AGO3: variants seen among roughly 807,000 people sequenced by gnomAD.
AGO3 encodes the protein protein argonaute-3.
In AGO3, 16 loss-of-function variants were observed where a neutral mutation model predicts 105.5. The observed-to-expected ratio is 0.15, with a 90% CI of 0.10 to 0.23. The LOEUF is 0.23. Among genes scored for constraint, AGO3 ranks in the 10% least tolerant of loss-of-function variants. The pLI, the probability that AGO3 is intolerant of heterozygous loss-of-function variation, is 1.00. For synonymous variants in AGO3, 340 were observed against 367.3 expected (o/e 0.93, Z 0.85); for missense variants, 534 against 1,088.0 (o/e 0.49, Z 7.16).
intron 9 of AGO3, 54 bp from the exon 10 acceptor site, chr1:36,013,576 A>C (rs1034662409): frequency 4.7e-5 from 75 of 1,606,732 alleles, no homozygotes; most frequent in Non-Finnish European, 6.2e-5. Flanking sequence ...AATGCATTAA[A>C]GTAGGGGATT....
chr1:36,026,244 G>T (rs1423715144), intron 11 of AGO3, among the ~76,000 whole-genome samples: 1 of 151,948 alleles, frequency 6.6e-6, no homozygotes, highest in African/African-American at 2.4e-5. Flanking sequence ...AAGGAGCAGG[G>T]ACTACAGGTG....
intron 5 of AGO3, among the ~76,000 whole-genome samples, chr1:35,973,956 A>G (rs890321945): frequency 3.6e-4 from 55 of 152,196 alleles, no homozygotes; most frequent in Non-Finnish European, 1.8e-4. Context: ...AAGCTTATGT[A>G]AAAACAGAGA....
intron 11 of AGO3, among the ~76,000 whole-genome samples, chr1:36,021,038 T>C (rs1641193055): frequency 6.6e-6 from 1 of 152,090 alleles, no homozygotes; most frequent in Admixed American, 6.6e-5. Context: ...GGTCAAGCAG[T>C]TCTCCTGCCT....
intron 17 of AGO3, among the ~76,000 whole-genome samples, chr1:36,054,479 T>A (rs1642848996): frequency 6.6e-6 from 1 of 152,084 alleles, no homozygotes; most frequent in Non-Finnish European, 1.5e-5. Flanking sequence ...CCTCACTGTG[T>A]TGTGCAGGCT....
At chr1:35,971,944 GAT>G (rs1646878116) in intron 3 of AGO3, 78 bp from the exon 4 acceptor site, 1 of 1,326,116 alleles carries the variant, frequency 7.5e-7, no homozygotes, top group African/African-American at 1.5e-5. Flanking sequence ...TTTTCTCTTA[GAT>G]ATTTTTATAA....
At position 36,068,175 on chromosome 1, in the gene AGO3, TAGAA is replaced by T. The variant is rs1643118839; in HGVS notation, c.*12431_*12434del. The T allele has an allele frequency of 6.6e-6, 1 of 152,088 alleles. No individual in the cohort carries two copies. Among genetic ancestry groups the T allele is most frequent in the Non-Finnish European group, 1.5e-5 (1 of 67,990 alleles). The allele number at this position is 152,088 out of a possible 1,614,324, so 9.4% of individuals were successfully genotyped here. A position where few individuals can be genotyped will look rare whatever the true frequency, so the allele number is the denominator to read the frequency against. On this transcript the variant is annotated 3_prime_UTR_variant, in exon 19 of 19. Transcript: ENST00000373191. ...AGGGGAAGGATAAAACAAAAATAGA[TAGAA>T]TGATGATTATTACAATGTAACTTTA...
chr1:35,976,209 A>G (rs1456984586), intron 5 of AGO3, among the ~76,000 whole-genome samples: 1 of 152,194 alleles, frequency 6.6e-6, no homozygotes, highest in Non-Finnish European at 1.5e-5. Context: ...TGCTGGGATT[A>G]CAGGCGTGAG....
At chr1:36,033,174 T>C (rs965627806) in intron 12 of AGO3, among the ~76,000 whole-genome samples, 2 of 150,168 alleles carry the variant, frequency 1.3e-5, no homozygotes, top group African/African-American at 4.9e-5. Context: ...AAAAAGTAAA[T>C]AAAAATACAG....
chr1:35,931,868 C>T (rs1374738909), intron 1 of AGO3, among the ~76,000 whole-genome samples: 1 of 152,228 alleles, frequency 6.6e-6, no homozygotes, highest in Non-Finnish European at 1.5e-5. Context: ...TAACGGATAA[C>T]TTCAGATTAA....
intron 5 of AGO3, among the ~76,000 whole-genome samples, chr1:35,993,787 G>A (rs1377056970): frequency 5.3e-5 from 6 of 113,902 alleles, no homozygotes; most frequent in Non-Finnish European, 8.1e-5. Context: ...TTGCTCTGTC[G>A]CCCAGGCTGG....
intron 1 of AGO3, among the ~76,000 whole-genome samples, chr1:35,936,622 T>C (rs1646152272): frequency 6.6e-6 from 1 of 152,164 alleles, no homozygotes; most frequent in Non-Finnish European, 1.5e-5. Context: ...GCACCTGCCC[T>C]AGAATTCCTT....
chr1:36,040,212 A>G (rs1642189115), intron 15 of AGO3, 95 bp from the exon 16 acceptor site: 1 of 1,395,582 alleles, frequency 7.2e-7, no homozygotes, highest in Non-Finnish European at 9.7e-7. Context: ...GAGTGGTGAA[A>G]TTAAGGAATC....
chr1:36,040,348 C>T lies in AGO3; in HGVS notation c.2079C>T (p.Ile693=). Residue 693 remains isoleucine, a synonymous_variant, in exon 16 of 19, where the codon ATC becomes ATT. Transcript: ENST00000373191. The part of the protein sequence containing the change: ...YELLAIREAC[I]SLEKDYQPGI... ...TACTAGCAATTCGAGAAGCCTGCATCAGTTTGGAGAAAGACTATCAACCTG... is the reference window on the plus strand; with the variant it reads ...TACTAGCAATTCGAGAAGCCTGCATTAGTTTGGAGAAAGACTATCAACCTG... 1 of 1,613,784 alleles carries T rather than the reference C, an allele frequency of 6.2e-7. No individual in the cohort carries two copies.
At position 36,059,479 on chromosome 1, in the gene AGO3, A is replaced by T. The variant is rs1642999183; in HGVS notation, c.*3734A>T. On this transcript the variant is annotated 3_prime_UTR_variant, in exon 19 of 19. Coordinates refer to ENST00000373191, the MANE Select transcript of AGO3 (RefSeq NM_024852.4). ...CCTGCCCTTGCTCACTAACTATATC[A>T]TGAATGCTAGATTTTGGTCTTCTTT... is the stretch of plus-strand genomic sequence containing the variant. 2 of 151,058 alleles carry T rather than the reference A, an allele frequency of 1.3e-5. No homozygotes were observed. The highest frequency in any genetic ancestry group is 1.3e-4 in the Admixed American group (2 of 15,022). The allele number at this position is 151,058 out of a possible 1,614,324, so 9.4% of individuals were successfully genotyped here.
intron 17 of AGO3, among the ~76,000 whole-genome samples, chr1:36,045,459 C>CA (rs759257273): frequency 6.6e-6 from 1 of 151,894 alleles, no homozygotes; most frequent in East Asian, 1.9e-4. Context: ...TGACCTCAGG[C>CA]AATCCGCCCA....
At chr1:35,987,974 A>AG (rs1647277300) in intron 5 of AGO3, among the ~76,000 whole-genome samples, 1 of 152,042 alleles carries the variant, frequency 6.6e-6, no homozygotes. Flanking sequence ...AGGCTAAGGC[A>AG]GGAGAATCGC....
At position 35,931,158 on chromosome 1, in the gene AGO3, C is replaced by A; in HGVS notation, c.-269C>A. ...GAGGAGCGGTGGGAGCGTCGGCGGC[C>A]GCGGGCGATGCAACTTCCGGACGGG... is the stretch of plus-strand genomic sequence containing the variant. On this transcript the variant is annotated 5_prime_UTR_variant, in exon 1 of 19. Coordinates refer to ENST00000373191, the MANE Select transcript of AGO3 (RefSeq NM_024852.4). 5.0e-6 allele frequency: 2 copies of A among 397,924 alleles called. No homozygotes were observed. The highest frequency in any genetic ancestry group is 4.4e-6 in the Non-Finnish European group (1 of 225,636). The allele number at this position is 397,924 out of a possible 1,614,324, so 24.6% of individuals were successfully genotyped here.
chr1:36,018,339 T>C (rs978150988), intron 11 of AGO3, among the ~76,000 whole-genome samples: 3 of 62,230 alleles, frequency 4.8e-5, no homozygotes, highest in Admixed American at 1.2e-4. Context: ...TCTGACTGAT[T>C]ATGAAGCAAA....
At position 36,018,182 on chromosome 1, in the gene AGO3, C is replaced by A. The variant is rs7514427; in HGVS notation, c.1406+4134C>A. Among the ~76,000 whole-genome samples, 128 of 151,974 alleles carry A rather than the reference C, an allele frequency of 8.4e-4. 1 individual carries two copies. Among genetic ancestry groups the A allele is most frequent in the African/African-American group, 3.0e-3 (126 of 41,462 alleles). On this transcript the variant is annotated intron_variant, in intron 11 of 18. Transcript: ENST00000373191. The stretch of plus-strand genomic sequence containing the variant: ...TAGAGCGGGGTTTCACCACGTTAGC[C>A]AGGATGGTCTCCATCTCTTGACCTC...
Sources: allele counts gnomAD v4.1 joint callset (sites outside exome capture counted in the v4.1 genomes callset), GRCh38; gene constraint gnomAD v4.1.1; transcripts MANE v1.5; gene names NCBI Gene and HGNC (gene_info 2026-07-23, HGNC 2026-07-21).